The following ICA1 variants were observed in gnomAD, a reference collection of about 807,000 sequenced individuals.
ICA1 encodes the protein islet cell autoantigen 1.
In ICA1, 40 loss-of-function variants were observed where a neutral mutation model predicts 71.0. That is an observed-to-expected ratio of 0.56 (90% CI 0.44 to 0.73). The LOEUF is 0.73. Among genes scored for constraint, ICA1 ranks in the 30% least tolerant of loss-of-function variants. The pLI, the probability that ICA1 is intolerant of heterozygous loss-of-function variation, is 0.00. For synonymous variants in ICA1, 207 were observed against 209.5 expected (o/e 0.99, Z 0.10); for missense variants, 578 against 576.5 (o/e 1.00, Z -0.03).
chr7:8,254,067 T>C (rs913002349), intron 1 of ICA1, among the ~76,000 whole-genome samples: 2 of 152,180 alleles, frequency 1.3e-5, no homozygotes, highest in East Asian at 3.8e-4. Context: ...ACCTCCTGGC[T>C]GAGAGTGAGG....
At chr7:8,117,755 T>C (rs58097814) in intron 13 of ICA1, among the ~76,000 whole-genome samples, 1,748 of 152,270 alleles carry the variant, frequency 0.011, 34 homozygotes, top group African/African-American at 0.04. Flanking sequence ...AGAGAGATCA[T>C]GTTTGGAAGG....
At chr7:8,158,497 G>T in intron 7 of ICA1, 30 bp downstream of exon 7, 1 of 1,612,272 alleles carries the variant, frequency 6.2e-7, no homozygotes, top group East Asian at 2.2e-5. Context: ...TGCCATCCTT[G>T]GTTCATTGCA....
Position 8,143,864 on chromosome 7 carries a change from C to T in ICA1, c.902+11G>A. The stretch of plus-strand genomic sequence containing the variant: ...GAAGAAAGATGCAGAGGGAAGGAAC[C>T]TGTGACTTACTGGCTCGGCTCCTGC... On this transcript the variant is annotated intron_variant, in intron 9 of 13. Transcript: ENST00000402384. 1 of 1,565,168 alleles carries T rather than the reference C, an allele frequency of 6.4e-7. No individual in the cohort carries two copies. The highest frequency in any genetic ancestry group is 1.7e-4 in the Middle Eastern group (1 of 5,944).
intron 8 of ICA1, among the ~76,000 whole-genome samples, chr7:8,146,841 C>T (rs1322604389): frequency 7.0e-6 from 1 of 142,590 alleles, no homozygotes; most frequent in Non-Finnish European, 1.5e-5. Context: ...CTGCCAATTA[C>T]AGCATTTTAT....
chr7:8,137,680 T>G lies in ICA1; in HGVS notation c.1060+1160A>C, dbSNP rs1264089341. Among the ~76,000 whole-genome samples the G allele has an allele frequency of 3.9e-5, 6 of 152,202 alleles. No homozygotes were observed. The East Asian group carries it at 9.6e-4, about 24-fold the overall frequency. On this transcript the variant is annotated intron_variant, in intron 12 of 13. Coordinates refer to ENST00000402384, the MANE Select transcript of ICA1 (RefSeq NM_001136020.3). ...ATGATTAGTCATTTTGATAAAATAT[T>G]CATGGGCATTCACACAGTACTGCAT...
In ICA1 at chr7:8,223,614, G is replaced by A. The variant is rs1243772856; in HGVS notation, c.257-2216C>T. Reference sequence around the variant, plus strand: ...TTAACTTACAGAAGTTTAAAATTCAGGTATAACATAGGTATCAGGTAACGC... The same window carrying A: ...TTAACTTACAGAAGTTTAAAATTCAAGTATAACATAGGTATCAGGTAACGC... On this transcript the variant is annotated intron_variant, in intron 4 of 13. Transcript: ENST00000402384. This position sits in a 1 kb window ranked among gnomAD's most constrained non-coding sequence, Gnocchi z 4.1. The A allele has an allele frequency of 1.9e-5, 3 of 154,290 alleles. No individual in the cohort carries two copies. Among genetic ancestry groups the A allele is most frequent in the Non-Finnish European group, 4.4e-5 (3 of 68,010 alleles). 9.6% of individuals were successfully genotyped at this position (154,290 alleles called of 1,614,324 possible).
Position 8,172,254 on chromosome 7 carries a change from TC to T in ICA1, c.580-13603del, listed in dbSNP as rs552174116. Among the ~76,000 whole-genome samples, 622 of 152,228 alleles carry T rather than the reference TC, an allele frequency of 4.1e-3. 3 individuals carry two copies. Among genetic ancestry groups the T allele is most frequent in the African/African-American group, 0.014 (579 of 41,586 alleles). ...TTAAGTTCTTATTCTATTTTTATAT[TC>T]TATTATCAGTTGTAGACAACATTGG... On this transcript the variant is annotated intron_variant, in intron 6 of 13. Coordinates refer to ENST00000402384, the MANE Select transcript of ICA1 (RefSeq NM_001136020.3).
chr7:8,227,415 G>C (rs778577048), intron 4 of ICA1, among the ~76,000 whole-genome samples: 54 of 152,154 alleles, frequency 3.5e-4, no homozygotes, highest in Non-Finnish European at 6.6e-4. Flanking sequence ...ACCAGCATTT[G>C]AGACTGACTG....
intron 6 of ICA1, among the ~76,000 whole-genome samples, chr7:8,184,126 C>T (rs1024011871): frequency 3.3e-5 from 5 of 152,200 alleles, no homozygotes; most frequent in Admixed American, 2.6e-4. Context: ...GGGCTTTTAA[C>T]TTCCAAAAGC....
chr7:8,180,025 T>C (rs1781738069), intron 6 of ICA1, among the ~76,000 whole-genome samples: 2 of 152,118 alleles, frequency 1.3e-5, no homozygotes, highest in Non-Finnish European at 2.9e-5. Context: ...GATTTTGTTG[T>C]TGTTGTTGTT....
intron 6 of ICA1, among the ~76,000 whole-genome samples, chr7:8,194,470 C>A (rs1324667697): frequency 2.0e-5 from 3 of 152,182 alleles, no homozygotes; most frequent in African/African-American, 7.2e-5. Flanking sequence ...AAGGCTATCT[C>A]TCCTTTTAAA....
chr7:8,135,323 G>A (rs536825794), intron 12 of ICA1, among the ~76,000 whole-genome samples: 13 of 152,120 alleles, frequency 8.5e-5, no homozygotes, highest in East Asian at 1.9e-4. Flanking sequence ...CACCGCGCCC[G>A]GCCAGAATCT....
intron 1 of ICA1, among the ~76,000 whole-genome samples, chr7:8,236,427 T>G (rs952721954): frequency 3.3e-5 from 5 of 152,200 alleles, no homozygotes; most frequent in Non-Finnish European, 5.9e-5. Context: ...GTGAGAGAGA[T>G]ATACAGCAGC....
intron 8 of ICA1, among the ~76,000 whole-genome samples, chr7:8,145,396 C>T (rs1030920876): frequency 1.1e-4 from 17 of 152,070 alleles, no homozygotes; most frequent in East Asian, 1.9e-4. Context: ...GTTCATTCTG[C>T]TTCTTTAACC....
chr7:8,169,056 G>A (rs1325953653), intron 6 of ICA1, among the ~76,000 whole-genome samples: 1 of 151,978 alleles, frequency 6.6e-6, no homozygotes, highest in Admixed American at 6.6e-5. Flanking sequence ...TCTGACTTCT[G>A]TCACTATAGA....
At chr7:8,124,968 T>C (rs528049775) in intron 13 of ICA1, among the ~76,000 whole-genome samples, 1 of 152,188 alleles carries the variant, frequency 6.6e-6, no homozygotes, top group African/African-American at 2.4e-5. Flanking sequence ...TTTGTATTTT[T>C]AGTAGAGACA....
chr7:8,119,090 G>A lies in ICA1; in HGVS notation c.1331-5046C>T, dbSNP rs566533776. Among the ~76,000 whole-genome samples, 47 of 152,270 alleles carry A rather than the reference G, an allele frequency of 3.1e-4. No individual in the cohort carries two copies. The South Asian group carries it at 9.1e-3, about 30-fold the overall frequency. ...ATGCCTTTTGGGCCAGTGTGAGGAC[G>A]AGAGAGGTTCTCCTAAGAATCAGAG... On this transcript the variant is annotated intron_variant, in intron 13 of 13. Coordinates refer to ENST00000402384, the MANE Select transcript of ICA1 (RefSeq NM_001136020.3).
intron 6 of ICA1, among the ~76,000 whole-genome samples, chr7:8,211,008 G>T (rs754174503): frequency 1.3e-5 from 2 of 152,184 alleles, no homozygotes; most frequent in African/African-American, 2.4e-5. Flanking sequence ...CTTTGGGTTG[G>T]AGGAAGGCCG....
chr7:8,258,661 A>G (rs1232697108), intron 1 of ICA1, among the ~76,000 whole-genome samples: 1 of 152,228 alleles, frequency 6.6e-6, no homozygotes, highest in East Asian at 1.9e-4. Flanking sequence ...TTATAAAAAC[A>G]GGTATAAAAT....
Sources: allele counts gnomAD v4.1 joint callset (sites outside exome capture counted in the v4.1 genomes callset), GRCh38; gene constraint gnomAD v4.1.1; non-coding constraint Gnocchi (gnomAD v3.1); transcripts MANE v1.5; gene names NCBI Gene and HGNC (gene_info 2026-07-23, HGNC 2026-07-21).